The following NDUFA7 variants were observed in gnomAD, a reference collection of about 807,000 sequenced individuals.
NDUFA7 encodes NADH dehydrogenase [ubiquinone] 1 alpha subcomplex subunit 7.
In NDUFA7, 18 loss-of-function variants were observed where a neutral mutation model predicts 14.2. The ratio of observed to expected loss-of-function variants is 1.27; its 90% confidence interval spans 0.88 to 1.88. The LOEUF is 1.88. Ranked by LOEUF, NDUFA7 falls within the 40% of genes most tolerant of loss-of-function variation. The pLI is 0.00. For synonymous variants in NDUFA7, 75 were observed against 62.1 expected, an observed-to-expected ratio of 1.21 and a Z score of -0.98; for missense variants, 172 against 147.3, an observed-to-expected ratio of 1.17 and a Z score of -0.87.
At position 8,314,653 on chromosome 19, in the gene NDUFA7, C is replaced by CTTA. The variant is rs1226679795; in HGVS notation, c.251+1842_251+1843insTAA. Among the ~76,000 whole-genome samples, 9 of 152,196 alleles carry CTTA rather than the reference C, an allele frequency of 5.9e-5. No homozygotes were observed. The East Asian group carries it at 1.7e-3, about 29-fold the overall frequency. On this transcript the variant is annotated intron_variant, in intron 3 of 3. Transcript: ENST00000301457. ...TGGAGGCCGGGCATGGTGGCTCACG[C>CTTA]CTGTAATCCCAGCACTTTGGGAGGC...
intron 3 of NDUFA7, among the ~76,000 whole-genome samples, chr19:8,315,592 C>T (rs576432247): frequency 1.3e-5 from 2 of 152,256 alleles, no homozygotes; most frequent in African/African-American, 2.4e-5. Flanking sequence ...CCACTATTAT[C>T]CTATGATCCT....
rs757723027 is a variant in NDUFA7, at chr19:8,316,653, G to A, written c.102-8C>T. The A allele has an allele frequency of 6.2e-7, 1 of 1,612,554 alleles. No individual in the cohort carries two copies. Among genetic ancestry groups the A allele is most frequent in the Admixed American group, 1.7e-5 (1 of 59,578 alleles). The stretch of plus-strand genomic sequence containing the variant: ...TTGGGAGGAGGCTGAGTTCTGAGGG[G>A]AAAAAAGATGAGCACTGAAGCAAAG... On this transcript the variant is annotated splice_polypyrimidine_tract_variant and splice_region_variant and intron_variant, in intron 2 of 3. Transcript: ENST00000301457.
chr19:8,315,914 G>A (rs146685720), intron 3 of NDUFA7, among the ~76,000 whole-genome samples: 2,342 of 152,024 alleles, frequency 0.015, 61 homozygotes, highest in African/African-American at 0.055. Flanking sequence ...TAGCACTTTG[G>A]GAGGCCGAGT....
In NDUFA7 at chr19:8,316,591, A is replaced by G. The variant is rs375031844; in HGVS notation, c.156T>C (p.Asn52=). Residue 52 remains asparagine (N), a synonymous_variant, in exon 3 of 4, where the codon AAT becomes AAC. Transcript: ENST00000301457. Reference sequence around the variant, plus strand: ...GGCGGCCATCGCGAGTGCAATAGTAATTGTTGGAGAGCTTGTGGCTAGGAC... The same window carrying G: ...GGCGGCCATCGCGAGTGCAATAGTAGTTGTTGGAGAGCTTGTGGCTAGGAC... The part of the protein sequence containing the change: ...PVGPSHKLSN[N]YYCTRDGRRE... The G allele has an allele frequency of 2.6e-4, 422 of 1,614,142 alleles. 2 individuals are homozygous for G. The African/African-American group carries it at 3.0e-3, about 12-fold the overall frequency.
chr19:8,311,487 G>C lies in NDUFA7; in HGVS notation c.*18C>G. The C allele has an allele frequency of 6.3e-7, 1 of 1,579,980 alleles. No individual in the cohort carries two copies. ...ATCCAAGGAGGCAAAGTAGTCGGGT[G>C]GCCGTGAGGGTGCAGTGTCACAGGT... On this transcript the variant is annotated 3_prime_UTR_variant, in exon 4 of 4. Coordinates refer to ENST00000301457, the MANE Select transcript of NDUFA7 (RefSeq NM_005001.5).
intron 2 of NDUFA7, among the ~76,000 whole-genome samples, chr19:8,318,799 C>T (rs112990127): frequency 3.1e-4 from 47 of 151,236 alleles, no homozygotes; most frequent in African/African-American, 1.1e-3. Flanking sequence ...GGTGAAACCC[C>T]GTCACTACTA....
intron 2 of NDUFA7, 147 bp downstream of exon 2, chr19:8,320,709 TA>T (rs1220149419): frequency 9.0e-6 from 9 of 1,002,728 alleles, no homozygotes; most frequent in Non-Finnish European, 1.1e-5. Context: ...TCAGCAAGGT[TA>T]AAGGCAAACC....
In NDUFA7 at chr19:8,319,136, C is replaced by G. The variant is rs920870792; in HGVS notation, c.101+1721G>C. Among the ~76,000 whole-genome samples the G allele has an allele frequency of 2.0e-5, 3 of 151,892 alleles. No homozygotes were observed. The East Asian group carries it at 5.8e-4, about 29-fold the overall frequency. The stretch of plus-strand genomic sequence containing the variant: ...TCGGGGGTTGGGGGGGAGAGAGCAT[C>G]AGGAAGAATAGCTAATGGATGCTGG... On this transcript the variant is annotated intron_variant, in intron 2 of 3. Transcript: ENST00000301457.
rs762229936 is a variant in NDUFA7 at position 8,320,900 on chromosome 19, G to A, written c.58C>T (p.Leu20=). 3.8e-5 allele frequency: 61 copies of A among 1,613,722 alleles called. No individual in the cohort carries two copies. Among genetic ancestry groups the A allele is most frequent in the Non-Finnish European group, 5.2e-5 (61 of 1,180,026 alleles). The change falls in exon 2 of 4, where the codon CTG becomes TTG. Residue 20 remains leucine (L), a synonymous_variant. Coordinates refer to ENST00000301457, the MANE Select transcript of NDUFA7 (RefSeq NM_005001.5). The stretch of plus-strand genomic sequence containing the variant: ...TAGCGTAGCTGCAGCTTCCCCTGCA[G>A]GTCATGCTGTGGGAAGAGGAGAGGA... ...RLRNWASGHD[L]QGKLQLRYQE...
chr19:8,320,769 C>A, intron 2 of NDUFA7, 88 bp downstream of exon 2: 1 of 1,504,544 alleles, frequency 6.6e-7, no homozygotes, highest in Admixed American at 1.7e-5. Flanking sequence ...GTCAGCCCTC[C>A]GTTTCAGGGG....
At chr19:8,313,197 A>T (rs1357505115) in intron 3 of NDUFA7, among the ~76,000 whole-genome samples, 2 of 151,782 alleles carry the variant, frequency 1.3e-5, no homozygotes, top group African/African-American at 2.4e-5. Flanking sequence ...CTGGGATTAC[A>T]GGCACACACC....
chr19:8,316,456 G>A (rs367964698), intron 3 of NDUFA7, 40 bp downstream of exon 3: 2 of 1,607,266 alleles, frequency 1.2e-6, no homozygotes, highest in Non-Finnish European at 1.7e-6. Context: ...TTGCAGGAGG[G>A]GGCATGGGGG....
At chr19:8,318,894 C>G (rs1047868431) in intron 2 of NDUFA7, among the ~76,000 whole-genome samples, 1 of 150,920 alleles carries the variant, frequency 6.6e-6, no homozygotes, top group Admixed American at 6.6e-5. Context: ...TCACTTGAAC[C>G]CGGGAGGCGG....
intron 2 of NDUFA7, among the ~76,000 whole-genome samples, chr19:8,318,663 C>CAAAAAAAAA (rs35904087): frequency 2.4e-5 from 1 of 41,070 alleles, no homozygotes; most frequent in Non-Finnish European, 4.7e-5. Context: ...CCCAGTCTTA[C>CAAAAAAAAA]AAAAAAAAAA....
chr19:8,308,665 C>T, downstream of NDUFA7: 1 of 288,900 alleles, frequency 3.5e-6, no homozygotes, highest in South Asian at 4.5e-5. Flanking sequence ...TCCCTCATCC[C>T]ACTGCTTTTG....
chr19:8,310,776 TA>T (rs1429558772), downstream of NDUFA7: 1 of 151,232 alleles, frequency 6.6e-6, no homozygotes, highest in African/African-American at 2.4e-5. Flanking sequence ...CTCACACCTG[TA>T]ATCCCAACAC....
chr19:8,311,047 A>G (rs970685892), downstream of NDUFA7, among the ~76,000 whole-genome samples: 3 of 152,088 alleles, frequency 2.0e-5, no homozygotes, highest in Non-Finnish European at 4.4e-5. Context: ...CTCCCCAGGA[A>G]CCAGCTGCCT....
At chr19:8,310,876 G>C (rs1970169093), downstream of NDUFA7, 1 of 152,080 alleles carries the variant, frequency 6.6e-6, no homozygotes, top group Non-Finnish European at 1.5e-5. Flanking sequence ...AAATTAGCGG[G>C]TATGGTGGTG....
rs1420829365 is a variant in NDUFA7, at chr19:8,320,878, CG to C, written c.79del (p.Arg27AlafsTer61). The C allele has an allele frequency of 2.5e-6, 4 of 1,613,698 alleles. No individual in the cohort carries two copies. The highest frequency in any genetic ancestry group is 2.5e-6 in the Non-Finnish European group (3 of 1,180,014). On this transcript the variant is annotated frameshift_variant, in exon 2 of 4. Transcript: ENST00000301457. LOFTEE classifies it high-confidence loss of function. ...GHDLQGKLQL[R>X]YQEISKRTQP... ...TCACCGCTTGGAGATCTCCTGGTAGCGTAGCTGCAGCTTCCCCTGCAGGTCA... is the reference window on the plus strand; with the variant it reads ...TCACCGCTTGGAGATCTCCTGGTAGCTAGCTGCAGCTTCCCCTGCAGGTCA...
Sources: allele counts gnomAD v4.1 joint callset (sites outside exome capture counted in the v4.1 genomes callset), GRCh38; gene constraint gnomAD v4.1.1; transcripts MANE v1.5; gene names NCBI Gene and HGNC (gene_info 2026-07-23, HGNC 2026-07-21).